The following PLXNA2 variants were observed in gnomAD, a reference collection of about 807,000 sequenced individuals.
The protein encoded by PLXNA2 is plexin A2.
A neutral mutation model predicts 193.5 loss-of-function variants in PLXNA2; 91 were observed. That is an observed-to-expected ratio of 0.47 (90% CI 0.40 to 0.56). PLXNA2 has a LOEUF of 0.56. Among genes scored for constraint, PLXNA2 ranks in the 20% least tolerant of loss-of-function variants. The pLI is 0.00. For synonymous variants in PLXNA2, 997 were observed against 1,027.3 expected (o/e 0.97, Z 0.56); for missense variants, 1,995 against 2,503.2 (o/e 0.80, Z 4.33).
chr1:208,216,663 C>T lies in PLXNA2; in HGVS notation c.1188+72G>A, dbSNP rs1488193267. On this transcript the variant is annotated intron_variant, in intron 2 of 31. Transcript: ENST00000367033. ...CATGGTGGTGTGGGAGCAGATGTGCCCCAGGGCATGGACAGGAAGGTTGGA... is the reference window on the plus strand; with the variant it reads ...CATGGTGGTGTGGGAGCAGATGTGCTCCAGGGCATGGACAGGAAGGTTGGA... 6.6e-6 allele frequency: 10 copies of T among 1,521,274 alleles called. No individual in the cohort carries two copies. The East Asian group carries it at 2.3e-4, about 34-fold the overall frequency. The allele number at this position is 1,521,274 out of a possible 1,614,324, so 94.2% of individuals were successfully genotyped here.
intron 2 of PLXNA2, among the ~76,000 whole-genome samples, chr1:208,216,266 C>T (rs180806510): frequency 1.6e-3 from 238 of 152,354 alleles, no homozygotes; most frequent in Non-Finnish European, 2.1e-3. Flanking sequence ...TTCTTCCCAT[C>T]CTCAGTTTTT....
chr1:208,046,576 GTGTA>G (rs1279100386), intron 17 of PLXNA2, among the ~76,000 whole-genome samples: 1 of 151,994 alleles, frequency 6.6e-6, no homozygotes, highest in Non-Finnish European at 1.5e-5. Flanking sequence ...GTGTGTGTGT[GTGTA>G]TGTGTGTGTG....
At chr1:208,209,591 G>A (rs1670859551) in intron 3 of PLXNA2, among the ~76,000 whole-genome samples, 1 of 152,196 alleles carries the variant, frequency 6.6e-6, no homozygotes, top group Admixed American at 6.5e-5. Context: ...TCAGCCTGCT[G>A]CACAAGAGGC....
At chr1:208,085,682 C>T (rs972194957) in intron 9 of PLXNA2, among the ~76,000 whole-genome samples, 1 of 152,192 alleles carries the variant, frequency 6.6e-6, no homozygotes, top group Non-Finnish European at 1.5e-5. Flanking sequence ...TGGTGTGGCT[C>T]GGGCTGTTGC....
chr1:208,052,765 G>A (rs889437499), intron 14 of PLXNA2, among the ~76,000 whole-genome samples: 6 of 152,010 alleles, frequency 3.9e-5, no homozygotes, highest in Admixed American at 6.6e-5. Flanking sequence ...CTATCAATTC[G>A]TTTACAAATT....
At position 208,031,625 on chromosome 1, in the gene PLXNA2, A is replaced by G. The variant is rs767567094; in HGVS notation, c.5190T>C (p.His1730=). 6.2e-6 allele frequency: 10 copies of G among 1,613,694 alleles called. No individual in the cohort carries two copies. The highest frequency in any genetic ancestry group is 8.5e-6 in the Non-Finnish European group (10 of 1,179,990). ...LDEQADRHSI[H]DTDVRHTWKS... is the part of the protein sequence containing the mutation. ...TCCAGGTGTGCCGCACATCTGTGTC[A>G]TGGATGCTGTGCCTGTCTGCCTGCT... Residue 1730 remains histidine, a synonymous_variant, in exon 29 of 32, where the codon CAT becomes CAC. Transcript: ENST00000367033.
chr1:208,242,771 G>T (rs1367730274), intron 1 of PLXNA2, among the ~76,000 whole-genome samples: 1 of 152,158 alleles, frequency 6.6e-6, no homozygotes, highest in Non-Finnish European at 1.5e-5. Flanking sequence ...ATCTAAAATG[G>T]TAGTTTCTGG....
chr1:208,099,899 G>A (rs1296028099), intron 5 of PLXNA2, among the ~76,000 whole-genome samples: 1 of 152,002 alleles, frequency 6.6e-6, no homozygotes, highest in Non-Finnish European at 1.5e-5. Context: ...ACTGTGGGAT[G>A]CTGAGACCAC....
At chr1:208,194,563 A>G (rs949019767) in intron 3 of PLXNA2, among the ~76,000 whole-genome samples, 7 of 151,790 alleles carry the variant, frequency 4.6e-5, no homozygotes, top group African/African-American at 1.7e-4. Flanking sequence ...AATGCACGCC[A>G]CTTTCATCTA....
intron 3 of PLXNA2, among the ~76,000 whole-genome samples, chr1:208,161,713 G>A (rs1669111036): frequency 6.6e-6 from 1 of 152,082 alleles, no homozygotes; most frequent in African/African-American, 2.4e-5. Flanking sequence ...AGGGTGCTTT[G>A]GAGGGAGAAG....
At chr1:208,208,258 T>C (rs955703765) in intron 3 of PLXNA2, among the ~76,000 whole-genome samples, 3 of 152,202 alleles carry the variant, frequency 2.0e-5, no homozygotes, top group Admixed American at 2.0e-4. Flanking sequence ...CTAGCTGACC[T>C]CTGTAGCAAG....
At chr1:208,163,296 TAA>T (rs1207153634) in intron 3 of PLXNA2, among the ~76,000 whole-genome samples, 2 of 151,938 alleles carry the variant, frequency 1.3e-5, no homozygotes, top group Non-Finnish European at 2.9e-5. Flanking sequence ...TTAAATGATA[TAA>T]AAAATGTGAA....
intron 29 of PLXNA2, chr1:208,031,216 TG>T (rs1664492115): frequency 3.8e-6 from 4 of 1,057,618 alleles, no homozygotes; most frequent in Non-Finnish European, 4.6e-6. Flanking sequence ...GATGTCTGGC[TG>T]TGAAGCTCTG....
intron 13 of PLXNA2, 40 bp from the exon 14 acceptor site, chr1:208,054,578 G>C: frequency 1.4e-6 from 2 of 1,407,404 alleles, no homozygotes; most frequent in Non-Finnish European, 2.0e-6. Flanking sequence ...GACTGGGCAA[G>C]GGCTGGCATC....
chr1:208,074,386 G>A (rs1013044269), intron 12 of PLXNA2, among the ~76,000 whole-genome samples: 29 of 152,310 alleles, frequency 1.9e-4, no homozygotes, highest in African/African-American at 6.7e-4. Context: ...ATGACAGCTG[G>A]AAATGGGAGC....
intron 13 of PLXNA2, among the ~76,000 whole-genome samples, chr1:208,056,158 C>A (rs570396399): frequency 6.6e-6 from 1 of 152,368 alleles, no homozygotes; most frequent in African/African-American, 2.4e-5. Flanking sequence ...CGGACCCTGG[C>A]AACCCGCTGC....
At chr1:208,130,915 G>C (rs1015489152) in intron 4 of PLXNA2, among the ~76,000 whole-genome samples, 4 of 152,164 alleles carry the variant, frequency 2.6e-5, no homozygotes, top group South Asian at 2.1e-4. Flanking sequence ...GAGTACAGCT[G>C]GTCACTTCTG....
rs1664406634 is a variant in PLXNA2, at chr1:208,028,541, C to T, written c.5438+289G>A. ...AAAATGGGGATAATAATAATACTGG[C>T]TTCACAACTCTGCTGGACATTTTAA... On this transcript the variant is annotated intron_variant, in intron 30 of 31. Coordinates refer to ENST00000367033, the MANE Select transcript of PLXNA2 (RefSeq NM_025179.4). This position sits in a 1 kb window ranked among gnomAD's most constrained non-coding sequence, Gnocchi z 4.2. 6.6e-6 allele frequency among the ~76,000 whole-genome samples: 1 copy of T among 152,232 alleles called. No homozygotes were observed. The highest frequency in any genetic ancestry group is 1.5e-5 in the Non-Finnish European group (1 of 68,048).
At chr1:208,063,802 G>C (rs1460624841) in intron 12 of PLXNA2, among the ~76,000 whole-genome samples, 3 of 152,168 alleles carry the variant, frequency 2.0e-5, no homozygotes, top group African/African-American at 7.2e-5. Context: ...CCAAAACATA[G>C]ATGAAGTGGT....
Sources: allele counts gnomAD v4.1 joint callset (sites outside exome capture counted in the v4.1 genomes callset), GRCh38; gene constraint gnomAD v4.1.1; non-coding constraint Gnocchi (gnomAD v3.1); transcripts MANE v1.5; gene names NCBI Gene and HGNC (gene_info 2026-07-23, HGNC 2026-07-21).